Variants in LOC128092252 observed in about 807,000 individuals in gnomAD.
chr15:50,652,534 A>G, the LOC128092252 span, among the ~76,000 whole-genome samples: 31 of 151,834 alleles, frequency 2.0e-4, no homozygotes, highest in African/African-American at 6.8e-4. Flanking sequence ...TCAAAAAAAA[A>G]AAAAAAAATC....
chr15:50,662,639 A>T, the LOC128092252 span, among the ~76,000 whole-genome samples: 1 of 152,174 alleles, frequency 6.6e-6, no homozygotes, highest in South Asian at 2.1e-4. Context: ...TAAGTTCCCA[A>T]TATCAGTGAA....
chr15:50,654,216 C>T, the LOC128092252 span, among the ~76,000 whole-genome samples: 2 of 151,662 alleles, frequency 1.3e-5, no homozygotes, highest in Non-Finnish European at 2.9e-5. Flanking sequence ...GAGGCCAAGG[C>T]GGGCGGATCA....
the LOC128092252 span, among the ~76,000 whole-genome samples, chr15:50,653,173 G>A: frequency 5.3e-5 from 8 of 152,228 alleles, no homozygotes; most frequent in Admixed American, 3.3e-4. Context: ...AAAAAGAAAC[G>A]GACGTGGTGG....
chr15:50,650,713 C>CA, the LOC128092252 span, among the ~76,000 whole-genome samples: 28 of 147,404 alleles, frequency 1.9e-4, no homozygotes, highest in Admixed American at 1.4e-3. Context: ...CAAAAAAAAA[C>CA]AAAAAAATCA....
At chr15:50,665,117 T>C in the LOC128092252 span, among the ~76,000 whole-genome samples, 5 of 152,276 alleles carry the variant, frequency 3.3e-5, no homozygotes, top group East Asian at 9.6e-4. Context: ...TAAAAATTAA[T>C]CATGGGTCAG....
the LOC128092252 span, among the ~76,000 whole-genome samples, chr15:50,667,009 C>G: frequency 6.6e-6 from 1 of 152,112 alleles, no homozygotes; most frequent in Non-Finnish European, 1.5e-5. Context: ...GATCCAGGAA[C>G]CTGTTCCTGG....
At chr15:50,685,829 TC>T in the LOC128092252 span, among the ~76,000 whole-genome samples, 1 of 152,192 alleles carries the variant, frequency 6.6e-6, no homozygotes, top group Non-Finnish European at 1.5e-5. Flanking sequence ...TCAACTGTTC[TC>T]TGGGGCAAGG....
chr15:50,663,001 C>T, the LOC128092252 span: 9 of 1,613,846 alleles, frequency 5.6e-6, no homozygotes, highest in East Asian at 2.0e-4. Context: ...ATAATATATA[C>T]ACATTCCCTC....
At chr15:50,671,619 G>A in the LOC128092252 span, among the ~76,000 whole-genome samples, 24 of 149,780 alleles carry the variant, frequency 1.6e-4, no homozygotes, top group East Asian at 3.7e-3. Context: ...GACCAACCTG[G>A]GCAGCATAAT....
the LOC128092252 span, among the ~76,000 whole-genome samples, chr15:50,654,960 C>T: frequency 1.4e-5 from 2 of 138,160 alleles, no homozygotes; most frequent in Non-Finnish European, 3.1e-5. Flanking sequence ...GAGACTGCGC[C>T]ACTGCACTCC....
chr15:50,676,624 G>T, the LOC128092252 span, among the ~76,000 whole-genome samples: 1 of 151,892 alleles, frequency 6.6e-6, no homozygotes, highest in Non-Finnish European at 1.5e-5. Flanking sequence ...CCAAAAGCAA[G>T]CAGAAACCAG....
the LOC128092252 span, among the ~76,000 whole-genome samples, chr15:50,667,156 G>A: frequency 1.6e-4 from 25 of 152,074 alleles, no homozygotes; most frequent in South Asian, 1.0e-3. Flanking sequence ...TGGCAGTTAT[G>A]GGGAAATACA....
At chr15:50,665,435 T>C in the LOC128092252 span, among the ~76,000 whole-genome samples, 3 of 149,842 alleles carry the variant, frequency 2.0e-5, no homozygotes, top group African/African-American at 7.3e-5. Context: ...GACCATAAAA[T>C]AAGATTCAAC....
the LOC128092252 span, among the ~76,000 whole-genome samples, chr15:50,680,761 G>A: frequency 1.3e-5 from 2 of 152,006 alleles, no homozygotes; most frequent in African/African-American, 4.8e-5. Context: ...CATAACACCT[G>A]TCATCTGAGG....
the LOC128092252 span, among the ~76,000 whole-genome samples, chr15:50,686,142 A>G: frequency 6.6e-6 from 1 of 152,100 alleles, no homozygotes; most frequent in African/African-American, 2.4e-5. Flanking sequence ...TCTGCCAGCA[A>G]CTGGCGCCAG....
chr15:50,679,528 A>ATTT, the LOC128092252 span, among the ~76,000 whole-genome samples: 1 of 47,382 alleles, frequency 2.1e-5, no homozygotes, highest in African/African-American at 1.1e-4. Context: ...ATATATATAT[A>ATTT]TATATATATA....
At chr15:50,677,317 G>A in the LOC128092252 span, among the ~76,000 whole-genome samples, 1 of 151,854 alleles carries the variant, frequency 6.6e-6, no homozygotes, top group Non-Finnish European at 1.5e-5. Flanking sequence ...ATCTCCCAAA[G>A]TTCTCATCTC....
the LOC128092252 span, chr15:50,657,667 C>T: frequency 2.2e-6 from 2 of 894,136 alleles, no homozygotes; most frequent in Non-Finnish European, 3.5e-6. Flanking sequence ...GGTAAAGTAC[C>T]CATCAAATAT....
chr15:50,677,493 C>T, the LOC128092252 span, among the ~76,000 whole-genome samples: 1 of 152,188 alleles, frequency 6.6e-6, no homozygotes, highest in East Asian at 1.9e-4. Context: ...ATAATCCCAG[C>T]ACTTTGGGAG....
Sources: allele counts gnomAD v4.1 joint callset (sites outside exome capture counted in the v4.1 genomes callset), GRCh38; gene constraint gnomAD v4.1.1; transcripts MANE v1.5.